The following SNAP29 variants were observed in gnomAD, a reference collection of about 807,000 sequenced individuals.
SNAP29 encodes synaptosomal-associated protein 29.
Under a neutral mutation model 27.9 loss-of-function variants are expected in SNAP29, and 13 were observed. The ratio of observed to expected loss-of-function variants is 0.47; its 90% CI spans 0.30 to 0.74. The LOEUF (loss-of-function observed/expected upper bound fraction) is 0.74, where lower values mean the gene tolerates loss of function less well. SNAP29 is among the 30% of genes least tolerant of loss of function. SNAP29 has a pLI of 0.06. For missense variants in SNAP29, 368 were observed against 336.5 expected, an observed-to-expected ratio of 1.09 and a Z score of -0.73; for synonymous variants, 119 against 127.1, an observed-to-expected ratio of 0.94 and a Z score of 0.43.
intron 1 of SNAP29, among the ~76,000 whole-genome samples, chr22:20,864,116 T>G (rs1928401728): frequency 6.6e-6 from 1 of 152,194 alleles, no homozygotes; most frequent in Admixed American, 6.5e-5. Context: ...GAGACTCACC[T>G]GCCCAGGACA....
At position 20,859,308 on chromosome 22, in the gene SNAP29, C is replaced by T; in HGVS notation, c.198C>T (p.Leu66=). ...TAASTSRSLA[L]MYESEKVGVA... ...CCAGCACCAGCAGGTCCCTGGCCCT[C>T]ATGTACGAGTCCGAGAAGGTTGGGG... The change falls in exon 1 of 5, where the codon CTC becomes CTT. Residue 66 remains leucine (L), a synonymous_variant. Coordinates refer to ENST00000215730, the MANE Select transcript of SNAP29 (RefSeq NM_004782.4). The T allele has an allele frequency of 1.9e-6, 3 of 1,613,252 alleles. No homozygotes were observed. Among genetic ancestry groups the T allele is most frequent in the Non-Finnish European group, 1.7e-6 (2 of 1,179,932 alleles).
Position 20,870,453 on chromosome 22 carries a change from G to C in SNAP29, c.354G>C (p.Gly118=). ...HINSIKSVFG[G]LVNYFKSKPV... ...ATAGCATTAAGAGCGTGTTTGGGGG[G>C]CTGGTCAATTACTTCAAATCCAAAC... Residue 118 remains glycine, a synonymous_variant, in exon 2 of 5, where the codon GGG becomes GGC. Coordinates refer to ENST00000215730, the MANE Select transcript of SNAP29 (RefSeq NM_004782.4). 1.9e-6 allele frequency: 3 copies of C among 1,614,170 alleles called. No homozygotes were observed.
At chr22:20,860,902 T>C (rs1928299198) in intron 1 of SNAP29, among the ~76,000 whole-genome samples, 2 of 149,650 alleles carry the variant, frequency 1.3e-5, no homozygotes, top group South Asian at 4.2e-4. Context: ...CCAGGCATGG[T>C]GGCACACACA....
At chr22:20,864,595 C>G (rs1928415308) in intron 1 of SNAP29, among the ~76,000 whole-genome samples, 1 of 152,186 alleles carries the variant, frequency 6.6e-6, no homozygotes, top group Non-Finnish European at 1.5e-5. Context: ...GATACTGATG[C>G]AGCCAGAGTT....
In SNAP29 at chr22:20,859,026, G is replaced by T. The variant is rs1029293258; in HGVS notation, c.-85G>T. Reference sequence around the variant, plus strand: ...GAAGGAGTTCGCGCGACGACCGCGGGGTCGGCGGGCGGGGCGAGGCCCTGG... The same window carrying T: ...GAAGGAGTTCGCGCGACGACCGCGGTGTCGGCGGGCGGGGCGAGGCCCTGG... On this transcript the variant is annotated 5_prime_UTR_variant, in exon 1 of 5. Coordinates refer to ENST00000215730, the MANE Select transcript of SNAP29 (RefSeq NM_004782.4). 4 of 1,391,832 alleles carry T rather than the reference G, an allele frequency of 2.9e-6. No individual in the cohort carries two copies. The highest frequency in any genetic ancestry group is 1.5e-5 in the African/African-American group (1 of 68,736). 86.2% of individuals were successfully genotyped at this position (1,391,832 alleles called of 1,614,324 possible).
chr22:20,886,497 C>T (rs185932137), intron 4 of SNAP29, among the ~76,000 whole-genome samples: 13 of 149,314 alleles, frequency 8.7e-5, no homozygotes, highest in South Asian at 2.1e-4. Flanking sequence ...TTAGTAGAGA[C>T]GGGGTTTCAC....
At chr22:20,875,737 T>C (rs570981504) in intron 2 of SNAP29, among the ~76,000 whole-genome samples, 270 of 152,198 alleles carry the variant, frequency 1.8e-3, no homozygotes, top group African/African-American at 6.2e-3. Flanking sequence ...GGACAATCAC[T>C]TGGGGCCAGG....
At chr22:20,884,694 G>A (rs1928972578) in intron 4 of SNAP29, among the ~76,000 whole-genome samples, 2 of 152,286 alleles carry the variant, frequency 1.3e-5, no homozygotes, top group South Asian at 4.1e-4. Flanking sequence ...GTAGATTCCA[G>A]GACAGCATGG....
chr22:20,890,529 G>C lies in SNAP29; in HGVS notation c.*2693G>C, dbSNP rs942483754. 8.0e-6 allele frequency: 3 copies of C among 377,316 alleles called. No individual in the cohort carries two copies. Among genetic ancestry groups the C allele is most frequent in the African/African-American group, 4.2e-5 (2 of 47,822 alleles). The allele number at this position is 377,316 out of a possible 1,614,324, so 23.4% of individuals were successfully genotyped here. On this transcript the variant is annotated 3_prime_UTR_variant, in exon 5 of 5. Transcript: ENST00000215730. Reference sequence around the variant, plus strand: ...TCCCAGTGCTTTGGGAGGCCAAGGCGGGGGGATCACGAGGTCAGGAGATCG... The same window carrying C: ...TCCCAGTGCTTTGGGAGGCCAAGGCCGGGGGATCACGAGGTCAGGAGATCG...
chr22:20,867,416 C>T (rs1001494642), intron 1 of SNAP29, among the ~76,000 whole-genome samples: 1 of 152,158 alleles, frequency 6.6e-6, no homozygotes, highest in Non-Finnish European at 1.5e-5. Flanking sequence ...TCTGCCTGGC[C>T]TGTCCTTACA....
intron 2 of SNAP29, among the ~76,000 whole-genome samples, chr22:20,873,849 C>A (rs544006494): frequency 3.9e-4 from 59 of 150,644 alleles, no homozygotes; most frequent in African/African-American, 1.4e-3. Flanking sequence ...CTGCCTGTAG[C>A]CCCAGCTACT....
chr22:20,884,340 A>G (rs1467037188), intron 4 of SNAP29, among the ~76,000 whole-genome samples: 2 of 151,942 alleles, frequency 1.3e-5, no homozygotes, highest in Non-Finnish European at 2.9e-5. Flanking sequence ...CTAAAAAAAA[A>G]AAAAAAGAAG....
At chr22:20,872,126 T>A (rs1421918558) in intron 2 of SNAP29, among the ~76,000 whole-genome samples, 1 of 152,198 alleles carries the variant, frequency 6.6e-6, no homozygotes, top group African/African-American at 2.4e-5. Context: ...AGTATTCTTT[T>A]GGTTTGATAG....
intron 2 of SNAP29, among the ~76,000 whole-genome samples, chr22:20,879,945 A>G (rs898627514): frequency 6.6e-6 from 1 of 151,048 alleles, no homozygotes; most frequent in Non-Finnish European, 1.5e-5. Context: ...TCACGAGCCT[A>G]GGAGTTAGAG....
rs539925409 is a variant in SNAP29 at position 20,873,913 on chromosome 22, G to A, written c.434+3380G>A. On this transcript the variant is annotated intron_variant, in intron 2 of 4. Coordinates refer to ENST00000215730, the MANE Select transcript of SNAP29 (RefSeq NM_004782.4). The stretch of plus-strand genomic sequence containing the variant: ...GCCTGGGAGGCAGAGGTTGTAGTGA[G>A]CGGAGATTGCACCACTGCACCTCAG... Among the ~76,000 whole-genome samples, 3 of 142,108 alleles carry A rather than the reference G, an allele frequency of 2.1e-5. No individual in the cohort carries two copies. The East Asian group carries it at 6.3e-4, about 30-fold the overall frequency. 93.2% of individuals were successfully genotyped at this position (142,108 alleles called of 152,430 possible).
chr22:20,875,353 T>C (rs1327766372), intron 2 of SNAP29, among the ~76,000 whole-genome samples: 2 of 152,194 alleles, frequency 1.3e-5, no homozygotes, highest in African/African-American at 4.8e-5. Context: ...ATTCTTGCCA[T>C]CTCTTAGTAA....
chr22:20,868,661 T>C (rs1451360964), intron 1 of SNAP29, among the ~76,000 whole-genome samples: 2 of 152,204 alleles, frequency 1.3e-5, no homozygotes, highest in East Asian at 3.9e-4. Context: ...CACAGGGTGA[T>C]GGGTGGATAG....
chr22:20,860,740 G>GA (rs202232551), intron 1 of SNAP29, among the ~76,000 whole-genome samples: 225 of 150,922 alleles, frequency 1.5e-3, no homozygotes, highest in African/African-American at 5.0e-3. Context: ...TTTGGACAGA[G>GA]AAAAAAAAAG....
In SNAP29 at chr22:20,877,637, A is replaced by G. The variant is rs143818156; in HGVS notation, c.435-3412A>G. Among the ~76,000 whole-genome samples the G allele has an allele frequency of 7.3e-4, 111 of 152,200 alleles. 2 individuals are homozygous for G. In the East Asian group the frequency reaches 0.018, roughly 25 times the overall value. ...AGGCTGAAGCAGGAGAATCTCTTGA[A>G]CCAGGGAGGTGGAGGTTGCAGTGAG... On this transcript the variant is annotated intron_variant, in intron 2 of 4. Coordinates refer to ENST00000215730, the MANE Select transcript of SNAP29 (RefSeq NM_004782.4).
Sources: allele counts gnomAD v4.1 joint callset (sites outside exome capture counted in the v4.1 genomes callset), GRCh38; gene constraint gnomAD v4.1.1; transcripts MANE v1.5; gene names NCBI Gene and HGNC (gene_info 2026-07-23, HGNC 2026-07-21).